PRKG1: variants seen among roughly 807,000 people sequenced by gnomAD.
The protein encoded by PRKG1 is cGMP-dependent protein kinase 1.
Under a neutral mutation model 88.1 loss-of-function variants are expected in PRKG1, and 35 were observed. The observed-to-expected ratio is 0.40, with a 90% CI of 0.30 to 0.53. PRKG1 has a LOEUF of 0.53. PRKG1 is among the 20% of genes least tolerant of loss of function. The pLI is 0.59. For synonymous variants in PRKG1, 303 were observed against 292.5 expected (o/e 1.04, Z -0.37); for missense variants, 540 against 839.8 (o/e 0.64, Z 4.41).
intron 3 of PRKG1, among the ~76,000 whole-genome samples, chr10:51,622,356 G>A (rs6480375): frequency 0.77 from 117,526 of 152,072 alleles, 46,058 homozygotes; most frequent in Middle Eastern, 0.91. Flanking sequence ...AAAGTATTCT[G>A]CCTACAATTT....
chr10:52,212,544 T>C (rs1840004902), intron 9 of PRKG1, among the ~76,000 whole-genome samples: 1 of 152,032 alleles, frequency 6.6e-6, no homozygotes, highest in African/African-American at 2.4e-5. Context: ...TAACATATAC[T>C]TTCTCATCTC....
chr10:51,172,104 A>G (rs1465758472), intron 2 of PRKG1, among the ~76,000 whole-genome samples: 1 of 152,102 alleles, frequency 6.6e-6, no homozygotes, highest in African/African-American at 2.4e-5. Context: ...TATTTACCTA[A>G]CACATTTGCT....
intron 3 of PRKG1, among the ~76,000 whole-genome samples, chr10:51,495,712 T>C (rs1840832155): frequency 2.0e-5 from 3 of 152,204 alleles, no homozygotes; most frequent in Non-Finnish European, 4.4e-5. Flanking sequence ...CTTAAAACAT[T>C]AATGCAAGAC....
At chr10:51,779,783 G>T (rs977628501) in intron 3 of PRKG1, among the ~76,000 whole-genome samples, 3 of 152,084 alleles carry the variant, frequency 2.0e-5, no homozygotes, top group Non-Finnish European at 2.9e-5. Context: ...TTTAAGGAGC[G>T]ACTGGTGACA....
chr10:51,081,740 C>T (rs1157265710), intron 1 of PRKG1, among the ~76,000 whole-genome samples: 1 of 152,192 alleles, frequency 6.6e-6, no homozygotes, highest in South Asian at 2.1e-4. Context: ...TAGATTGTCT[C>T]TTTCATTGAT....
At chr10:52,109,913 T>C (rs980882571) in intron 7 of PRKG1, among the ~76,000 whole-genome samples, 2 of 151,962 alleles carry the variant, frequency 1.3e-5, no homozygotes, top group African/African-American at 4.9e-5. Flanking sequence ...CCGGGCCATG[T>C]CCTGTATCAC....
At chr10:51,003,937 T>C (rs935746209) in intron 1 of PRKG1, among the ~76,000 whole-genome samples, 3 of 152,210 alleles carry the variant, frequency 2.0e-5, no homozygotes, top group African/African-American at 7.2e-5. Context: ...ATAGTATTCA[T>C]GTACCTCAGC....
At chr10:51,918,285 T>C (rs1234285024) in intron 5 of PRKG1, among the ~76,000 whole-genome samples, 1 of 152,188 alleles carries the variant, frequency 6.6e-6, no homozygotes, top group African/African-American at 2.4e-5. Context: ...CCCCTGACTC[T>C]TTCTTTTAAA....
intron 2 of PRKG1, among the ~76,000 whole-genome samples, chr10:51,212,260 C>T (rs1243349744): frequency 3.3e-5 from 5 of 151,588 alleles, no homozygotes; most frequent in Non-Finnish European, 7.4e-5. Flanking sequence ...ACTGGCTAGC[C>T]ATATGTAGAA....
At chr10:51,546,342 T>C (rs1386817869) in intron 3 of PRKG1, among the ~76,000 whole-genome samples, 1 of 152,096 alleles carries the variant, frequency 6.6e-6, no homozygotes, top group Non-Finnish European at 1.5e-5. Flanking sequence ...AATGGACTAA[T>C]AGCTGTTGCA....
At chr10:51,111,996 TTTTC>T (rs1223637542) in intron 1 of PRKG1, among the ~76,000 whole-genome samples, 1 of 152,150 alleles carries the variant, frequency 6.6e-6, no homozygotes, top group Non-Finnish European at 1.5e-5. Context: ...ATTGTTGTAG[TTTTC>T]TTTATTTTGT....
rs10995872 is a variant in PRKG1 at position 51,158,307 on chromosome 10, G to T, written c.478+4977G>T. ...AAGTTAATAACTTGGTCAAGACTAT[G>T]CAATCAGTATGTTGAAATACACGTC... On this transcript the variant is annotated intron_variant, in intron 2 of 17. Transcript: ENST00000373980. Among the ~76,000 whole-genome samples, 50 of 152,018 alleles carry T rather than the reference G, an allele frequency of 3.3e-4. 1 individual carries two copies. In the East Asian group the frequency reaches 7.1e-3, roughly 22 times the overall value.
chr10:51,601,721 A>ATTTTTTTTTTTTTTTTTTTTTTTT (rs749205610), intron 3 of PRKG1, among the ~76,000 whole-genome samples: 4 of 43,574 alleles, frequency 9.2e-5, no homozygotes, highest in Non-Finnish European at 1.8e-4. Context: ...GGCAGATTGA[A>ATTTTTTTTTTTTTTTTTTTTTTTT]TTTTTTTTTT....
chr10:52,271,412 T>C lies in PRKG1; in HGVS notation c.1236T>C (p.Ile412=), dbSNP rs1168035671. The C allele has an allele frequency of 3.1e-6, 5 of 1,613,014 alleles. No individual in the cohort carries two copies. Among genetic ancestry groups the C allele is most frequent in the Non-Finnish European group, 4.2e-6 (5 of 1,179,368 alleles). ...FAMKILKKRH[I]VDTRQQEHIR... is the part of the protein sequence containing the mutation. ...TGAAGATTCTCAAGAAACGTCACAT[T>C]GTGGACACAAGACAGCAGGAGCACA... The change falls in exon 11 of 18, where the codon ATT becomes ATC. Residue 412 remains isoleucine (I), a synonymous_variant. Transcript: ENST00000373980.
At chr10:51,877,665 A>G (rs1841332673) in intron 4 of PRKG1, among the ~76,000 whole-genome samples, 1 of 152,226 alleles carries the variant, frequency 6.6e-6, no homozygotes, top group African/African-American at 2.4e-5. Flanking sequence ...AGCATTTGCA[A>G]CAGAAATGTA....
chr10:51,326,621 A>G (rs1225928349), intron 2 of PRKG1, among the ~76,000 whole-genome samples: 1 of 152,116 alleles, frequency 6.6e-6, no homozygotes, highest in Non-Finnish European at 1.5e-5. Flanking sequence ...TTCTTTCTTG[A>G]TGTATGGGCA....
chr10:51,126,768 T>C (rs1352324623), intron 1 of PRKG1, among the ~76,000 whole-genome samples: 2 of 151,962 alleles, frequency 1.3e-5, no homozygotes, highest in Non-Finnish European at 2.9e-5. Flanking sequence ...CCAAAGCAGA[T>C]AGACCAATAG....
rs1564483266 is a variant in PRKG1 at position 51,412,215 on chromosome 10, A to AGAG, written c.479-55508_479-55507insGAG. On this transcript the variant is annotated intron_variant, in intron 2 of 17. Coordinates refer to ENST00000373980, the MANE Select transcript of PRKG1 (RefSeq NM_006258.4). Reference sequence around the variant, plus strand: ...AGAGAGAGAGAGAGAGAGAGAGAGAAAGAAAGAGAGAAAGAATTGTTCAGA... The same window carrying AGAG: ...AGAGAGAGAGAGAGAGAGAGAGAGAAGAGAGAAAGAGAGAAAGAATTGTTCAGA... Among the ~76,000 whole-genome samples the AGAG allele has an allele frequency of 1.7e-3, 199 of 120,192 alleles. 1 individual carries two copies. Among genetic ancestry groups the AGAG allele is most frequent in the African/African-American group, 2.6e-3 (65 of 24,994 alleles). 78.9% of individuals were successfully genotyped at this position (120,192 alleles called of 152,430 possible).
intron 7 of PRKG1, among the ~76,000 whole-genome samples, chr10:52,127,049 G>A (rs1847946927): frequency 6.6e-6 from 1 of 152,134 alleles, no homozygotes; most frequent in Non-Finnish European, 1.5e-5. Context: ...GATCACTTAG[G>A]AGGCCAGATC....
Sources: allele counts gnomAD v4.1 joint callset (sites outside exome capture counted in the v4.1 genomes callset), GRCh38; gene constraint gnomAD v4.1.1; transcripts MANE v1.5; gene names NCBI Gene and HGNC (gene_info 2026-07-23, HGNC 2026-07-21).